PRKAR1B: variants seen among roughly 807,000 people sequenced by gnomAD.
PRKAR1B encodes cAMP-dependent protein kinase type I-beta regulatory subunit.
PRKAR1B carries 22 observed loss-of-function variants against 46.5 expected under a neutral mutation model. The observed-to-expected ratio is 0.47, with a 90% CI of 0.34 to 0.68. PRKAR1B has a LOEUF of 0.68. PRKAR1B is among the 30% of genes least tolerant of loss of function. The pLI is 0.01. For missense variants in PRKAR1B, 445 were observed against 535.6 expected (o/e 0.83, Z 1.67); for synonymous variants, 259 against 217.7 (o/e 1.19, Z -1.67).
At chr7:578,583 G>A (rs898215190) in intron 9 of PRKAR1B, among the ~76,000 whole-genome samples, 3 of 152,184 alleles carry the variant, frequency 2.0e-5, no homozygotes, top group African/African-American at 7.2e-5. Flanking sequence ...CGCCATGGCC[G>A]GGATGCGGAC....
At position 634,639 on chromosome 7, in the gene PRKAR1B, T is replaced by TA. The variant is rs575159733; in HGVS notation, c.441-27188dup. ...GCGTGGGGTCCTGGTGTCTGCAACTTACTGTTTTTTTTTTTTTTAAGGTGG... is the reference window on the plus strand; with the variant it reads ...GCGTGGGGTCCTGGTGTCTGCAACTTAACTGTTTTTTTTTTTTTTAAGGTGG... On this transcript the variant is annotated intron_variant, in intron 4 of 10. Transcript: ENST00000537384. Among the ~76,000 whole-genome samples, 234 of 150,298 alleles carry TA rather than the reference T, an allele frequency of 1.6e-3. 2 individuals carry two copies. The highest frequency in any genetic ancestry group is 5.2e-3 in the African/African-American group (209 of 40,574).
Position 594,865 on chromosome 7 carries a change from C to G in PRKAR1B, c.708+1281G>C, listed in dbSNP as rs181174203. Among the ~76,000 whole-genome samples the G allele has an allele frequency of 2.0e-3, 297 of 152,272 alleles. 1 individual carries two copies. The highest frequency in any genetic ancestry group is 7.0e-3 in the African/African-American group (290 of 41,554). On this transcript the variant is annotated intron_variant, in intron 7 of 10. Coordinates refer to ENST00000537384, the MANE Select transcript of PRKAR1B (RefSeq NM_001164760.2). Reference sequence around the variant, plus strand: ...TCCCCCCCAGATCATGACGAGACCACCCAAACCACAAGGGGACTCCAAACT... The same window carrying G: ...TCCCCCCCAGATCATGACGAGACCAGCCAAACCACAAGGGGACTCCAAACT...
At chr7:680,419 C>A in intron 3 of PRKAR1B, 137 bp downstream of exon 3, 2 of 910,470 alleles carry the variant, frequency 2.2e-6, no homozygotes, top group Non-Finnish European at 3.2e-6. Context: ...CCATCACCCA[C>A]ATAGTCCTCC....
At position 593,104 on chromosome 7, in the gene PRKAR1B, C is replaced by G. The variant is rs1351524797; in HGVS notation, c.708+3042G>C. Among the ~76,000 whole-genome samples, 2 of 152,148 alleles carry G rather than the reference C, an allele frequency of 1.3e-5. No homozygotes were observed. Among genetic ancestry groups the G allele is most frequent in the African/African-American group, 4.8e-5 (2 of 41,426 alleles). The stretch of plus-strand genomic sequence containing the variant: ...TGGGGAGTGCTGGCCCCGGGCTGGG[C>G]CCCTGCCTGGGAGCCTAGAGGTGGG... On this transcript the variant is annotated intron_variant, in intron 7 of 10. Transcript: ENST00000537384. This position sits in a 1 kb window ranked among gnomAD's most constrained non-coding sequence, Gnocchi z 6.1.
At chr7:686,376 T>C (rs1779100218) in intron 2 of PRKAR1B, among the ~76,000 whole-genome samples, 1 of 152,048 alleles carries the variant, frequency 6.6e-6, no homozygotes, top group South Asian at 2.1e-4. Flanking sequence ...TCATTTAAAA[T>C]TTAGGATTTT....
At chr7:579,880 T>G (rs1583237873) in intron 8 of PRKAR1B, among the ~76,000 whole-genome samples, 1 of 152,166 alleles carries the variant, frequency 6.6e-6, no homozygotes, top group Admixed American at 6.5e-5. Flanking sequence ...GAGGATCGCT[T>G]GAGGCCAGGA....
In PRKAR1B at chr7:549,204, A is replaced by T. The variant is rs1364414001; in HGVS notation, c.*1226T>A. The T allele has an allele frequency of 6.6e-6, 1 of 152,228 alleles. No homozygotes were observed. The highest frequency in any genetic ancestry group is 1.5e-5 in the Non-Finnish European group (1 of 68,052). 9.4% of individuals were successfully genotyped at this position (152,228 alleles called of 1,614,324 possible). A position where few individuals can be genotyped will look rare whatever the true frequency, so the allele number is the denominator to read the frequency against. ...CTCCCGAGCCGGGAAGAGGTACTTC[A>T]TTGCACGTTTAATGCTTCATGCAGT... is the stretch of plus-strand genomic sequence containing the variant. On this transcript the variant is annotated 3_prime_UTR_variant, in exon 11 of 11. Coordinates refer to ENST00000537384, the MANE Select transcript of PRKAR1B (RefSeq NM_001164760.2).
intron 4 of PRKAR1B, among the ~76,000 whole-genome samples, chr7:660,335 C>G (rs1785440042): frequency 6.6e-6 from 1 of 152,044 alleles, no homozygotes; most frequent in African/African-American, 2.4e-5. Context: ...CCGGGTGCCA[C>G]AGGCCCCGCT....
intron 1 of PRKAR1B, among the ~76,000 whole-genome samples, chr7:715,776 C>G (rs1426981929): frequency 8.0e-5 from 12 of 150,378 alleles, no homozygotes; most frequent in African/African-American, 2.2e-4. Flanking sequence ...AGTGCAGTGG[C>G]GTGATCTCTG....
intron 7 of PRKAR1B, among the ~76,000 whole-genome samples, chr7:592,916 G>C (rs1781065218): frequency 6.6e-6 from 1 of 152,198 alleles, no homozygotes; most frequent in Non-Finnish European, 1.5e-5. Context: ...CACGCCTGTA[G>C]TCCCAGCTAC....
intron 4 of PRKAR1B, among the ~76,000 whole-genome samples, chr7:674,635 C>T (rs959909021): frequency 2.6e-5 from 4 of 152,064 alleles, no homozygotes; most frequent in African/African-American, 9.7e-5. Context: ...CAGCAACACC[C>T]AGCTATTCCA....
chr7:728,679 G>A (rs536759068), upstream of PRKAR1B, among the ~76,000 whole-genome samples: 45 of 152,312 alleles, frequency 3.0e-4, 1 homozygote, highest in East Asian at 8.3e-3. Flanking sequence ...TCCCTGGACC[G>A]TAGGTTCCAC....
At chr7:660,215 T>C (rs1423909698) in intron 4 of PRKAR1B, among the ~76,000 whole-genome samples, 1 of 151,956 alleles carries the variant, frequency 6.6e-6, no homozygotes, top group African/African-American at 2.4e-5. Flanking sequence ...CACCCAGGCC[T>C]GGCATCACCT....
intron 4 of PRKAR1B, among the ~76,000 whole-genome samples, chr7:674,517 T>A (rs901649634): frequency 6.7e-6 from 1 of 150,158 alleles, no homozygotes; most frequent in Non-Finnish European, 1.5e-5. Context: ...TAGGCAGCCA[T>A]GCCCAGCTAC....
At chr7:552,850 G>C (rs1197111573) in intron 9 of PRKAR1B, among the ~76,000 whole-genome samples, 1 of 152,220 alleles carries the variant, frequency 6.6e-6, no homozygotes, top group Admixed American at 6.5e-5. Flanking sequence ...GGAAAGGGGA[G>C]GGGGGCGCTG....
intron 4 of PRKAR1B, among the ~76,000 whole-genome samples, chr7:669,238 T>C (rs561336584): frequency 7.2e-5 from 11 of 152,298 alleles, no homozygotes; most frequent in African/African-American, 1.7e-4. Context: ...AGGTCATATA[T>C]CATGGTTCAT....
chr7:627,462 C>G (rs1020206466), intron 4 of PRKAR1B, among the ~76,000 whole-genome samples: 4 of 152,214 alleles, frequency 2.6e-5, no homozygotes, highest in Non-Finnish European at 5.9e-5. Flanking sequence ...CATGACTCCC[C>G]CACGCCTGAG....
intron 4 of PRKAR1B, among the ~76,000 whole-genome samples, chr7:646,070 G>A (rs1784605504): frequency 6.6e-6 from 1 of 151,992 alleles, no homozygotes; most frequent in Non-Finnish European, 1.5e-5. Flanking sequence ...TTAAGAGGCA[G>A]AGTCTTGCTC....
In PRKAR1B at chr7:584,858, C is replaced by T. The variant is rs896138804; in HGVS notation, c.709-290G>A. ...AGCCAGGACCCGTGGTAGTTCCACACGGTGAGCGCACAGCCAGCCAGAGCC... is the reference window on the plus strand; with the variant it reads ...AGCCAGGACCCGTGGTAGTTCCACATGGTGAGCGCACAGCCAGCCAGAGCC... On this transcript the variant is annotated intron_variant, in intron 7 of 10. Transcript: ENST00000537384. Among the ~76,000 whole-genome samples, 11 of 152,124 alleles carry T rather than the reference C, an allele frequency of 7.2e-5. No individual in the cohort carries two copies. The South Asian group carries it at 1.5e-3, about 20-fold the overall frequency.
Sources: allele counts gnomAD v4.1 joint callset (sites outside exome capture counted in the v4.1 genomes callset), GRCh38; gene constraint gnomAD v4.1.1; non-coding constraint Gnocchi (gnomAD v3.1); transcripts MANE v1.5; gene names NCBI Gene and HGNC (gene_info 2026-07-23, HGNC 2026-07-21).